The following ACOXL variants were observed in gnomAD, a reference collection of about 807,000 sequenced individuals.
The protein encoded by ACOXL is acyl-coenzyme A oxidase-like protein.
Under a neutral mutation model 71.9 loss-of-function variants are expected in ACOXL, and 70 were observed. The observed-to-expected ratio is 0.97, with a 90% confidence interval of 0.80 to 1.19. ACOXL has a LOEUF of 1.19. ACOXL is among the 50% of genes most tolerant of loss of function. The probability of loss-of-function intolerance (pLI) is 0.00; values close to 1 mark genes in which losing one functional copy is unlikely to be tolerated. For missense variants in ACOXL, 703 were observed against 736.3 expected (o/e 0.95, Z 0.52); for synonymous variants, 253 against 281.6 (o/e 0.90, Z 1.02).
intron 10 of ACOXL, among the ~76,000 whole-genome samples, chr2:110,849,014 G>C (rs9917154): frequency 0.65 from 98,402 of 152,036 alleles, 32,530 homozygotes; most frequent in South Asian, 0.8. Context: ...AACTTCCCTT[G>C]TCTCTCGCCG....
At chr2:110,935,430 G>A (rs1419844045) in intron 12 of ACOXL, among the ~76,000 whole-genome samples, 1 of 152,122 alleles carries the variant, frequency 6.6e-6, no homozygotes, top group Non-Finnish European at 1.5e-5. Context: ...CTGGGAGGCC[G>A]TATTTCCCCA....
At chr2:110,745,043 G>A (rs1678028189) in intron 1 of ACOXL, among the ~76,000 whole-genome samples, 1 of 152,202 alleles carries the variant, frequency 6.6e-6, no homozygotes, top group Non-Finnish European at 1.5e-5. Flanking sequence ...TACCGTTCAG[G>A]TTAATGCGAG....
chr2:110,936,392 A>G (rs1455774213), intron 12 of ACOXL, among the ~76,000 whole-genome samples: 2 of 152,102 alleles, frequency 1.3e-5, no homozygotes, highest in Non-Finnish European at 2.9e-5. Context: ...CAGCCTCCCA[A>G]GTAGCTAGGA....
rs149828130 is a variant in ACOXL at position 110,960,103 on chromosome 2, C to T, written c.1059+26461C>T. Among the ~76,000 whole-genome samples, 7 of 152,174 alleles carry T rather than the reference C, an allele frequency of 4.6e-5. 1 individual carries two copies. Among genetic ancestry groups the T allele is most frequent in the African/African-American group, 1.7e-4 (7 of 41,500 alleles). Reference sequence around the variant, plus strand: ...TTTCTTGCAGTGGAACTTCTTCAGACCTGAGATGGAAATGAAATGAGGGAG... The same window carrying T: ...TTTCTTGCAGTGGAACTTCTTCAGATCTGAGATGGAAATGAAATGAGGGAG... On this transcript the variant is annotated intron_variant, in intron 12 of 17. Transcript: ENST00000439055.
intron 10 of ACOXL, among the ~76,000 whole-genome samples, chr2:110,896,544 G>C (rs6737631): frequency 6.6e-6 from 1 of 151,826 alleles, no homozygotes; most frequent in Non-Finnish European, 1.5e-5. Context: ...AAGACATATC[G>C]TGCAAAGATT....
chr2:110,949,112 T>A (rs1352990989), intron 12 of ACOXL, among the ~76,000 whole-genome samples: 1 of 152,180 alleles, frequency 6.6e-6, no homozygotes, highest in African/African-American at 2.4e-5. Context: ...CTGGCTGGGA[T>A]TGCATTTGTG....
chr2:111,083,592 A>G (rs1558950531), intron 16 of ACOXL, among the ~76,000 whole-genome samples: 1 of 151,410 alleles, frequency 6.6e-6, no homozygotes, highest in African/African-American at 2.4e-5. Context: ...TCACATAAGC[A>G]TGTAGCATTC....
intron 10 of ACOXL, among the ~76,000 whole-genome samples, chr2:110,846,923 G>T (rs1691959193): frequency 6.6e-6 from 1 of 152,150 alleles, no homozygotes; most frequent in Non-Finnish European, 1.5e-5. Context: ...TGCCATGACT[G>T]CCTGCGCGCT....
chr2:110,894,875 G>C (rs1234557785), intron 10 of ACOXL, among the ~76,000 whole-genome samples: 2 of 152,180 alleles, frequency 1.3e-5, no homozygotes, highest in Non-Finnish European at 2.9e-5. Flanking sequence ...TAGAGAACAA[G>C]TGGGGAACCT....
intron 15 of ACOXL, among the ~76,000 whole-genome samples, chr2:111,043,636 C>T (rs2065886253): frequency 6.6e-6 from 1 of 152,170 alleles, no homozygotes; most frequent in Non-Finnish European, 1.5e-5. Context: ...GAGCTTGACC[C>T]TCAAGGCTCT....
chr2:111,055,427 T>C (rs1204184023), intron 16 of ACOXL, among the ~76,000 whole-genome samples: 5 of 152,254 alleles, frequency 3.3e-5, no homozygotes, highest in Non-Finnish European at 5.9e-5. Context: ...TAGCAGCCAA[T>C]AATTAACTAC....
chr2:110,928,742 G>A (rs887156074), intron 11 of ACOXL, among the ~76,000 whole-genome samples: 3 of 152,132 alleles, frequency 2.0e-5, no homozygotes, highest in African/African-American at 4.8e-5. Context: ...TAATTCCCAC[G>A]TGTTGTGGGA....
chr2:110,836,904 C>T (rs1055719962), intron 9 of ACOXL, among the ~76,000 whole-genome samples: 5 of 152,190 alleles, frequency 3.3e-5, no homozygotes, highest in Admixed American at 6.5e-5. Flanking sequence ...AGGTTGCAGG[C>T]GGGCGGCCTC....
chr2:111,117,832 G>A lies in ACOXL; in HGVS notation c.*16G>A. On this transcript the variant is annotated 3_prime_UTR_variant, in exon 18 of 18. Coordinates refer to ENST00000439055, the MANE Select transcript of ACOXL (RefSeq NM_001142807.4). ...CAAGCTCTAACGGGTGTGGCGGGAAGTGTGGTGGCCCGCCAGCAGCTGCCA... is the reference window on the plus strand; with the variant it reads ...CAAGCTCTAACGGGTGTGGCGGGAAATGTGGTGGCCCGCCAGCAGCTGCCA... 6.5e-7 allele frequency: 1 copy of A among 1,541,300 alleles called. No homozygotes were observed. The highest frequency in any genetic ancestry group is 8.7e-7 in the Non-Finnish European group (1 of 1,144,820).
intron 9 of ACOXL, among the ~76,000 whole-genome samples, chr2:110,825,127 A>T (rs1466886421): frequency 6.6e-6 from 1 of 152,242 alleles, no homozygotes; most frequent in Non-Finnish European, 1.5e-5. Context: ...TCCAGAGTTC[A>T]TGCACAGAAT....
chr2:110,995,814 C>A, intron 13 of ACOXL, 79 bp from the exon 14 acceptor site: 1 of 1,136,150 alleles, frequency 8.8e-7, no homozygotes, highest in Non-Finnish European at 1.3e-6. Context: ...TTTTAAAAAA[C>A]AAACCTACTC....
chr2:111,101,349 A>G (rs887665064), intron 17 of ACOXL: 1 of 152,322 alleles, frequency 6.6e-6, no homozygotes, highest in South Asian at 2.1e-4. Context: ...GCCCACACCC[A>G]TACCCGCCGG....
At chr2:110,912,122 G>T (rs183787612) in intron 11 of ACOXL, among the ~76,000 whole-genome samples, 34 of 152,128 alleles carry the variant, frequency 2.2e-4, no homozygotes, top group African/African-American at 7.9e-4. Flanking sequence ...AGAAGTTAAA[G>T]AAGATGTGAA....
intron 12 of ACOXL, among the ~76,000 whole-genome samples, chr2:110,954,296 A>G (rs1021548740): frequency 1.3e-5 from 2 of 152,322 alleles, no homozygotes; most frequent in African/African-American, 2.4e-5. Flanking sequence ...AACTGAATCT[A>G]CCTTGACAAT....
Sources: gnomAD v4.1 joint callset for allele counts (sites outside exome capture counted in the v4.1 genomes callset) on GRCh38, gnomAD v4.1.1 for gene constraint, MANE v1.5 for transcripts, NCBI Gene and HGNC (gene_info 2026-07-23, HGNC 2026-07-21) for gene names.